COL11A1: variants seen among roughly 807,000 people sequenced by gnomAD.
The protein encoded by COL11A1 is collagen type XI alpha 1 chain.
A neutral mutation model predicts 265.2 loss-of-function variants in COL11A1; 74 were observed. The ratio of observed to expected loss-of-function variants is 0.28; its 90% CI spans 0.23 to 0.34. COL11A1 has a LOEUF of 0.34. Among genes scored for constraint, COL11A1 ranks in the 10% least tolerant of loss-of-function variants. COL11A1 has a pLI of 1.00. For synonymous variants in COL11A1, 816 were observed against 727.6 expected (o/e 1.12, Z -1.96); for missense variants, 2,165 against 2,263.6 (o/e 0.96, Z 0.88).
intron 14 of COL11A1, 36 bp from the exon 15 acceptor site, chr1:103,008,552 A>C (rs1312533056): frequency 1.3e-6 from 2 of 1,570,108 alleles, no homozygotes; most frequent in African/African-American, 2.7e-5. Context: ...CACTTAATTT[A>C]GCAATTTCCT....
At chr1:102,937,168 T>A (rs2101250557) in intron 44 of COL11A1, among the ~76,000 whole-genome samples, 1 of 152,260 alleles carries the variant, frequency 6.6e-6, no homozygotes, top group African/African-American at 2.4e-5. Context: ...CAGCTTTCAT[T>A]CATATGATAG....
intron 5 of COL11A1, among the ~76,000 whole-genome samples, chr1:103,026,953 A>G (rs901976641): frequency 2.4e-4 from 37 of 152,046 alleles, no homozygotes; most frequent in African/African-American, 7.7e-4. Flanking sequence ...AGACTTTCCT[A>G]AGATCAAAAA....
Position 102,961,888 on chromosome 1 carries a change from G to C in COL11A1, c.3146C>G (p.Pro1049Arg). 6.2e-7 allele frequency: 1 copy of C among 1,613,172 alleles called. No individual in the cohort carries two copies. The highest frequency in any genetic ancestry group is 8.5e-7 in the Non-Finnish European group (1 of 1,179,614). ...TACAACTGGACCTGGTGGGCCCTGG[G>C]GACCTTCCCCTCCTTTCAGTCCAGG... Reference protein sequence around the residue: ...GAPGLKGGEGPQGPPGPVGSP... With the variant: ...GAPGLKGGEGRQGPPGPVGSP... The change falls in exon 41 of 67, where the codon CCC (proline) becomes CGC (arginine). Residue 1049 changes from proline to arginine, a missense_variant. By Grantham distance (103) the Pro-to-Arg change is moderately radical. Transcript: ENST00000370096.
At chr1:103,039,443 T>C (rs2102040527) in intron 4 of COL11A1, among the ~76,000 whole-genome samples, 1 of 152,216 alleles carries the variant, frequency 6.6e-6, no homozygotes, top group African/African-American at 2.4e-5. Context: ...AAGAAGGTAA[T>C]TAAGGTTAAA....
intron 28 of COL11A1, among the ~76,000 whole-genome samples, chr1:102,992,706 A>G (rs890232202): frequency 2.0e-5 from 3 of 152,044 alleles, no homozygotes; most frequent in African/African-American, 7.2e-5. Context: ...ATAATTTACT[A>G]CTTGATTGGT....
intron 12 of COL11A1, 98 bp downstream of exon 12, chr1:103,015,570 G>T: frequency 1.1e-6 from 1 of 938,394 alleles, no homozygotes; most frequent in Non-Finnish European, 1.6e-6. Flanking sequence ...TTGTACAATG[G>T]TTTTTAGTTG....
intron 30 of COL11A1, among the ~76,000 whole-genome samples, 155 bp from the exon 31 acceptor site, chr1:102,984,346 T>C (rs1335240839): frequency 3.3e-5 from 5 of 152,052 alleles, no homozygotes; most frequent in Non-Finnish European, 7.4e-5. Flanking sequence ...TTATATTTCT[T>C]CACGTGAATA....
Position 103,082,946 on chromosome 1 carries a change from G to C in COL11A1, c.133C>G (p.Leu45Val), listed in dbSNP as rs1038296607. The change falls in exon 2 of 67, where the codon CTA becomes GTA. Residue 45 changes from leucine to valine, a missense_variant. By Grantham distance (32) the Leu-to-Val change is conservative. Coordinates refer to ENST00000370096, the MANE Select transcript of COL11A1 (RefSeq NM_001854.4). ...GAAPVDVLKA[L>V]DFHNSPEGIS... is the part of the protein sequence containing the mutation. ...CCCTCTGGAGAATTGTGAAAATCTA[G>C]TGCTTTTAGTACATCAACTGGAGCA... is the stretch of plus-strand genomic sequence containing the variant. 1.1e-5 allele frequency: 18 copies of C among 1,612,814 alleles called. No homozygotes were observed. The highest frequency in any genetic ancestry group is 1.4e-5 in the Non-Finnish European group (16 of 1,179,498).
chr1:102,947,449 TAC>T (rs558432782), intron 41 of COL11A1, among the ~76,000 whole-genome samples: 18 of 152,116 alleles, frequency 1.2e-4, no homozygotes, highest in Non-Finnish European at 2.6e-4. Flanking sequence ...TGCATTAGGA[TAC>T]ACACAAAATT....
intron 35 of COL11A1, among the ~76,000 whole-genome samples, chr1:102,978,193 T>A (rs1662688563): frequency 6.6e-6 from 1 of 152,216 alleles, no homozygotes; most frequent in South Asian, 2.1e-4. Context: ...TGCTTGTTCA[T>A]ATGTATTTGG....
chr1:102,902,472 C>T (rs1199237969), intron 54 of COL11A1, among the ~76,000 whole-genome samples: 1 of 151,928 alleles, frequency 6.6e-6, no homozygotes, highest in Non-Finnish European at 1.5e-5. Context: ...GAACAATTTT[C>T]CCAAAAGTAT....
At chr1:103,104,261 T>A (rs1047496751) in intron 1 of COL11A1, among the ~76,000 whole-genome samples, 22 of 152,040 alleles carry the variant, frequency 1.4e-4, no homozygotes, top group Non-Finnish European at 2.5e-4. Context: ...TGAAGAGAAT[T>A]TATCCTAGGA....
chr1:103,011,766 A>C (rs1037979339), intron 14 of COL11A1, among the ~76,000 whole-genome samples: 2 of 152,082 alleles, frequency 1.3e-5, no homozygotes, highest in African/African-American at 4.8e-5. Flanking sequence ...AAAATTAATG[A>C]GAATCCTGGT....
chr1:102,886,761 A>T, intron 63 of COL11A1, 46 bp downstream of exon 63: 3 of 1,613,098 alleles, frequency 1.9e-6, no homozygotes, highest in Non-Finnish European at 2.5e-6. Context: ...CACCTCAGAA[A>T]CTCAGGGGCT....
chr1:103,002,350 T>G, intron 23 of COL11A1, 78 bp downstream of exon 23: 6 of 1,211,154 alleles, frequency 5.0e-6, no homozygotes, highest in Non-Finnish European at 6.0e-6. Flanking sequence ...TAGAAAATTG[T>G]GAGACTGTCG....
chr1:103,027,133 C>T (rs1298110799), intron 5 of COL11A1, among the ~76,000 whole-genome samples: 3 of 151,074 alleles, frequency 2.0e-5, no homozygotes, highest in Non-Finnish European at 4.4e-5. Flanking sequence ...GTATTTTATA[C>T]TAATTTCTTC....
intron 31 of COL11A1, among the ~76,000 whole-genome samples, chr1:102,981,575 C>A (rs1164156556): frequency 1.3e-5 from 2 of 151,954 alleles, no homozygotes; most frequent in Admixed American, 6.6e-5. Context: ...CCAACCTACC[C>A]AATTAATCAG....
chr1:102,899,768 G>A (rs1036706116), intron 54 of COL11A1, among the ~76,000 whole-genome samples: 3 of 152,046 alleles, frequency 2.0e-5, no homozygotes, highest in African/African-American at 7.2e-5. Flanking sequence ...CTGAGATTGG[G>A]GTTGGTGGTT....
rs1017760403 is a variant in COL11A1 at position 103,003,158 on chromosome 1, A to G, written c.1998+57T>C. ...TCTACTGAGGGCTTTTATGGCCTCTAAAAGGTTGGCAACAAGCTTTCCCTA... is the reference window on the plus strand; with the variant it reads ...TCTACTGAGGGCTTTTATGGCCTCTGAAAGGTTGGCAACAAGCTTTCCCTA... On this transcript the variant is annotated intron_variant, in intron 21 of 66. Transcript: ENST00000370096. The G allele has an allele frequency of 1.3e-5, 20 of 1,584,090 alleles. No homozygotes were observed. The African/African-American group carries it at 2.3e-4, about 18-fold the overall frequency.
Sources: allele counts gnomAD v4.1 joint callset (sites outside exome capture counted in the v4.1 genomes callset), GRCh38; gene constraint gnomAD v4.1.1; transcripts MANE v1.5; gene names NCBI Gene and HGNC (gene_info 2026-07-23, HGNC 2026-07-21).